The following EML6 variants were observed in gnomAD, a reference collection of about 807,000 sequenced individuals.
EML6 encodes EMAP like 6.
Under a neutral mutation model 240.1 loss-of-function variants are expected in EML6, and 154 were observed. The ratio of observed to expected loss-of-function variants is 0.64; its 90% confidence interval spans 0.56 to 0.73. EML6 has a LOEUF of 0.73. Among genes scored for constraint, EML6 ranks in the 30% least tolerant of loss-of-function variants. The pLI is 0.00. For missense variants in EML6, 2,964 were observed against 2,474.6 expected (o/e 1.20, Z -4.20); for synonymous variants, 1,148 against 899.0 (o/e 1.28, Z -4.95).
chr2:54,844,420 C>T (rs1191240978), intron 8 of EML6, among the ~76,000 whole-genome samples, 172 bp downstream of exon 8: 15 of 152,216 alleles, frequency 9.9e-5, no homozygotes, highest in Admixed American at 9.2e-4. Flanking sequence ...CTGCTGTTGT[C>T]TTTCTTGGCT....
intron 7 of EML6, among the ~76,000 whole-genome samples, chr2:54,832,016 T>C (rs1013511820): frequency 6.6e-6 from 1 of 152,246 alleles, no homozygotes; most frequent in Non-Finnish European, 1.5e-5. Context: ...GTTTAATTTT[T>C]GCCCTTGGAG....
intron 33 of EML6, among the ~76,000 whole-genome samples, chr2:54,958,729 T>G (rs557542102): frequency 3.3e-5 from 5 of 152,282 alleles, no homozygotes; most frequent in Admixed American, 2.6e-4. Flanking sequence ...AACTTCGTGG[T>G]CCTCCAGGAG....
chr2:54,882,054 T>G (rs1242473772), intron 17 of EML6: 1 of 152,176 alleles, frequency 6.6e-6, no homozygotes, highest in African/African-American at 2.4e-5. Flanking sequence ...CTCCCCTGAT[T>G]GGTGAGAATA....
chr2:54,728,336 TC>T (rs1682998110), intron 2 of EML6, among the ~76,000 whole-genome samples: 1 of 152,204 alleles, frequency 6.6e-6, no homozygotes, highest in Non-Finnish European at 1.5e-5. Context: ...TTACTTCCCT[TC>T]CATTTTCACA....
At chr2:54,825,328 C>T (rs1668534527) in intron 5 of EML6, among the ~76,000 whole-genome samples, 2 of 152,174 alleles carry the variant, frequency 1.3e-5, no homozygotes, top group Admixed American at 6.5e-5. Context: ...TTCATAGTAA[C>T]AGCTTAAATG....
At chr2:54,902,379 T>C (rs1673104558) in intron 22 of EML6, among the ~76,000 whole-genome samples, 1 of 152,184 alleles carries the variant, frequency 6.6e-6, no homozygotes, top group African/African-American at 2.4e-5. Flanking sequence ...ATCTTTTTCC[T>C]TGGACTTGGG....
At chr2:54,787,481 C>T (rs763066450) in intron 2 of EML6, among the ~76,000 whole-genome samples, 4 of 152,266 alleles carry the variant, frequency 2.6e-5, no homozygotes, top group East Asian at 1.9e-4. Context: ...CCTTAACCTC[C>T]GTGAGCCGCA....
At chr2:54,919,151 A>G (rs1365569506) in intron 26 of EML6, among the ~76,000 whole-genome samples, 1 of 151,866 alleles carries the variant, frequency 6.6e-6, no homozygotes, top group Non-Finnish European at 1.5e-5. Context: ...TTTGAAGAAC[A>G]TTCTCTTTGA....
At chr2:54,789,531 AAAAAAAAAAAAAAAAAAG>A (rs1669302234) in intron 2 of EML6, among the ~76,000 whole-genome samples, 1 of 140,716 alleles carries the variant, frequency 7.1e-6, no homozygotes, top group Non-Finnish European at 1.5e-5. Flanking sequence ...AAAAAAAAAA[AAAAAAAAAAAAAAAAAAG>A]AAAAAGAATG....
chr2:54,933,964 G>A (rs940526629), intron 28 of EML6, among the ~76,000 whole-genome samples: 1 of 152,144 alleles, frequency 6.6e-6, no homozygotes, highest in Non-Finnish European at 1.5e-5. Flanking sequence ...GTAAAGAGAG[G>A]ACAGAATGAA....
chr2:54,729,282 G>C (rs1020567408), intron 2 of EML6, among the ~76,000 whole-genome samples: 30 of 152,350 alleles, frequency 2.0e-4, no homozygotes, highest in African/African-American at 7.0e-4. Flanking sequence ...ACCATCCTCA[G>C]ATGAAGGGGC....
At chr2:54,847,336 G>A (rs904293184) in intron 8 of EML6, 150 bp from the exon 9 acceptor site, 12 of 674,784 alleles carry the variant, frequency 1.8e-5, no homozygotes, top group Admixed American at 3.1e-5. Flanking sequence ...TTCCACACTC[G>A]CTGACAGGCC....
At chr2:54,730,268 C>A (rs1293856963) in intron 2 of EML6, among the ~76,000 whole-genome samples, 1 of 152,108 alleles carries the variant, frequency 6.6e-6, no homozygotes, top group Non-Finnish European at 1.5e-5. Flanking sequence ...TGACATGGCT[C>A]AAATAATCTA....
intron 36 of EML6, 110 bp from the exon 37 acceptor site, chr2:54,963,876 C>G (rs1676633871): frequency 1.1e-6 from 1 of 919,384 alleles, no homozygotes; most frequent in Non-Finnish European, 1.6e-6. Context: ...ATTTGGTGGC[C>G]TGCAGTGGCT....
At chr2:54,871,415 T>G in intron 15 of EML6, 85 bp from the exon 16 acceptor site, 1 of 1,011,950 alleles carries the variant, frequency 9.9e-7, no homozygotes, top group Non-Finnish European at 1.5e-6. Context: ...TTATCTTGGT[T>G]TCTGAGCAGT....
chr2:54,899,661 G>A lies in EML6; in HGVS notation c.3003G>A (p.Val1001=), dbSNP rs981055250. The A allele has an allele frequency of 7.1e-6, 11 of 1,553,710 alleles. No homozygotes were observed. In the Admixed American group the frequency reaches 2.0e-4, roughly 28 times the overall value. ...CACAGGGGCACATGGAAGGAGAAGT[G>A]TGGGGGTTGGCAGCTCACCCTCTCC... The part of the protein sequence containing the change: ...LLVQGHMEGE[V]WGLAAHPLLP... The change falls in exon 22 of 42, where the codon GTG becomes GTA. Residue 1001 remains valine, a synonymous_variant. Transcript: ENST00000356458.
rs900138034 is a variant in EML6, at chr2:54,724,925, G to C, written c.-137G>C. The C allele has an allele frequency of 1.0e-5, 6 of 602,820 alleles. No homozygotes were observed. The highest frequency in any genetic ancestry group is 9.9e-5 in the African/African-American group (5 of 50,634). The allele number at this position is 602,820 out of a possible 1,614,324, so 37.3% of individuals were successfully genotyped here. ...GATGATGGTGGCGGCCGGCCCGCTGGGCTGTGCCTGTGTGTCGCCGCGGAA... is the reference window on the plus strand; with the variant it reads ...GATGATGGTGGCGGCCGGCCCGCTGCGCTGTGCCTGTGTGTCGCCGCGGAA... On this transcript the variant is annotated 5_prime_UTR_variant, in exon 2 of 42. Transcript: ENST00000356458. The surrounding 1 kb of genome is among the most constrained non-coding windows in gnomAD (Gnocchi z 5.2).
At chr2:54,895,665 C>A (rs1034183162) in intron 21 of EML6, among the ~76,000 whole-genome samples, 2 of 152,196 alleles carry the variant, frequency 1.3e-5, no homozygotes, top group Admixed American at 1.3e-4. Context: ...TATAAGGTTG[C>A]AATAAAGGCC....
rs376153316 is a variant in EML6 at position 54,847,627 on chromosome 2, C to T, written c.1187+4C>T. On this transcript the variant is annotated splice_donor_region_variant and intron_variant, in intron 9 of 41. Coordinates refer to ENST00000356458, the MANE Select transcript of EML6 (RefSeq NM_001039753.4). ...CTTTCATTGTTCTCCGAGTCAGGCA[C>T]GTACTGATGTTGAAAATGGTATTTA... The T allele has an allele frequency of 5.0e-5, 78 of 1,551,718 alleles. No homozygotes were observed. Among genetic ancestry groups the T allele is most frequent in the Non-Finnish European group, 6.4e-5 (73 of 1,146,870 alleles).
Sources: gnomAD v4.1 joint callset for allele counts (sites outside exome capture counted in the v4.1 genomes callset) on GRCh38, gnomAD v4.1.1 for gene constraint, Gnocchi (gnomAD v3.1) non-coding constraint, MANE v1.5 for transcripts, NCBI Gene and HGNC (gene_info 2026-07-23, HGNC 2026-07-21) for gene names.